Variants in FOXP2 observed in about 807,000 individuals in gnomAD.
The protein encoded by FOXP2 is forkhead box P2.
FOXP2 carries 12 observed loss-of-function variants against 115.8 expected under a neutral mutation model. The observed-to-expected ratio is 0.10, with a 90% CI of 0.07 to 0.17. The LOEUF is 0.17. Among genes scored for constraint, FOXP2 ranks in the 10% least tolerant of loss-of-function variants. The probability of loss-of-function intolerance (pLI) is 1.00; values close to 1 mark genes in which losing one functional copy is unlikely to be tolerated. For missense variants in FOXP2, 629 were observed against 843.5 expected (o/e 0.75, Z 3.15); for synonymous variants, 328 against 297.7 (o/e 1.10, Z -1.05).
chr7:114,551,124 G>GA (rs556484633), intron 3 of FOXP2, among the ~76,000 whole-genome samples: 2 of 152,040 alleles, frequency 1.3e-5, no homozygotes, highest in African/African-American at 4.8e-5. Context: ...TGCTCCAGAG[G>GA]AAAAACCACA....
chr7:114,299,269 G>A (rs1036925255), intron 2 of FOXP2, among the ~76,000 whole-genome samples: 13 of 152,016 alleles, frequency 8.6e-5, no homozygotes, highest in Non-Finnish European at 1.5e-4. Flanking sequence ...AAGATGTATG[G>A]ACACCCTACT....
At chr7:114,592,264 A>G (rs754993008) in intron 3 of FOXP2, among the ~76,000 whole-genome samples, 3 of 152,104 alleles carry the variant, frequency 2.0e-5, no homozygotes, top group Non-Finnish European at 2.9e-5. Context: ...AATAATATTC[A>G]TATGTAGTAT....
intron 2 of FOXP2, among the ~76,000 whole-genome samples, chr7:114,495,209 A>C (rs1019972285): frequency 7.2e-5 from 11 of 152,322 alleles, no homozygotes; most frequent in Admixed American, 5.2e-4. Context: ...TCAGGTCAGC[A>C]TGTGGGTCCA....
intron 1 of FOXP2, among the ~76,000 whole-genome samples, chr7:114,222,073 G>A (rs1224707451): frequency 6.6e-6 from 1 of 152,210 alleles, no homozygotes; most frequent in African/African-American, 2.4e-5. Flanking sequence ...GCCATGTCAG[G>A]TGAGCCTCCC....
intron 2 of FOXP2, among the ~76,000 whole-genome samples, chr7:114,494,726 A>C (rs910230485): frequency 6.6e-6 from 1 of 152,164 alleles, no homozygotes; most frequent in Non-Finnish European, 1.5e-5. Flanking sequence ...TAATTTTAAA[A>C]ATTGAAACCA....
At chr7:114,132,253 CT>C (rs904708357) in intron 1 of FOXP2, among the ~76,000 whole-genome samples, 2 of 152,018 alleles carry the variant, frequency 1.3e-5, no homozygotes, top group African/African-American at 4.8e-5. Context: ...TCTTTTTCTA[CT>C]TTTTTCCCCT....
intron 2 of FOXP2, among the ~76,000 whole-genome samples, chr7:114,516,741 G>A (rs1188499172): frequency 2.0e-5 from 3 of 151,812 alleles, no homozygotes; most frequent in Admixed American, 2.0e-4. Context: ...TGTTGCCAAG[G>A]CTGGAATGCA....
intron 1 of FOXP2, among the ~76,000 whole-genome samples, chr7:114,272,012 T>C (rs1796072032): frequency 7.3e-6 from 1 of 137,190 alleles, no homozygotes; most frequent in Non-Finnish European, 1.5e-5. Context: ...ATATTATAAT[T>C]ATAATATTAA....
intron 1 of FOXP2, among the ~76,000 whole-genome samples, chr7:114,211,276 A>G (rs1227807006): frequency 2.6e-5 from 4 of 152,170 alleles, no homozygotes; most frequent in African/African-American, 4.8e-5. Flanking sequence ...GTCTCTGTGT[A>G]CCTGAGCAGC....
Position 114,420,106 on chromosome 7 carries a change from G to A in FOXP2, c.-11+4746G>A, listed in dbSNP as rs976971536. Among the ~76,000 whole-genome samples the A allele has an allele frequency of 4.6e-5, 7 of 151,994 alleles. No homozygotes were observed. In the South Asian group the frequency reaches 1.0e-3, roughly 22 times the overall value. On this transcript the variant is annotated intron_variant, in intron 1 of 16. Transcript: ENST00000350908. ...GGGATCCCAGGGAGTTGCTGTGGGC[G>A]GGAGACTGAAGATTGAAGTAAAGTA...
In FOXP2 at chr7:114,693,657, A is replaced by G; in HGVS notation, c.*3731A>G. 1 of 430,030 alleles carries G rather than the reference A, an allele frequency of 2.3e-6. No individual in the cohort carries two copies. Among genetic ancestry groups the G allele is most frequent in the Non-Finnish European group, 4.6e-6 (1 of 215,456 alleles). 26.6% of individuals were successfully genotyped at this position (430,030 alleles called of 1,614,324 possible). A position where few individuals can be genotyped will look rare whatever the true frequency, so the allele number is the denominator to read the frequency against. ...GTACATTTTACTATAGAATTAATGT[A>G]TGAACAGTGTGTCACTGCTGTTGGA... On this transcript the variant is annotated 3_prime_UTR_variant, in exon 17 of 17. Transcript: ENST00000350908.
In FOXP2 at chr7:114,238,937, T is replaced by C. The variant is rs1795080985; in HGVS notation, c.-101-49082T>C. ...GTATATTATTATATATTATATATAA[T>C]ACAAACATTTATAAATATAAAAATA... On this transcript the variant is annotated intron_variant, in intron 1 of 17. Coordinates refer to the FOXP2 transcript ENST00000634411. 2.0e-5 allele frequency among the ~76,000 whole-genome samples: 3 copies of C among 148,946 alleles called. No individual in the cohort carries two copies. The South Asian group carries it at 6.3e-4, about 31-fold the overall frequency.
chr7:114,575,777 T>G (rs536079924), intron 3 of FOXP2, among the ~76,000 whole-genome samples: 2 of 152,054 alleles, frequency 1.3e-5, no homozygotes, highest in South Asian at 2.1e-4. Flanking sequence ...CTTCCTATAT[T>G]ATAAACATAT....
chr7:114,555,791 T>A (rs1261746515), intron 3 of FOXP2, among the ~76,000 whole-genome samples: 1 of 151,756 alleles, frequency 6.6e-6, no homozygotes, highest in Non-Finnish European at 1.5e-5. Flanking sequence ...AGCAAGACTG[T>A]CTCAAAAACA....
intron 1 of FOXP2, among the ~76,000 whole-genome samples, chr7:114,177,130 G>A (rs1461507827): frequency 6.6e-6 from 1 of 151,994 alleles, no homozygotes; most frequent in African/African-American, 2.4e-5. Context: ...CCTGTGTTTG[G>A]CTATTAGGAA....
At chr7:114,237,834 G>T (rs1584567664) in intron 1 of FOXP2, among the ~76,000 whole-genome samples, 1 of 151,958 alleles carries the variant, frequency 6.6e-6, no homozygotes, top group South Asian at 2.1e-4. Context: ...AATTACCCAG[G>T]TGTGGTGGTG....
chr7:114,448,595 T>C lies in FOXP2; in HGVS notation c.168+21916T>C, dbSNP rs568711636. 3.3e-5 allele frequency among the ~76,000 whole-genome samples: 5 copies of C among 152,282 alleles called. 1 individual carries two copies. The South Asian group carries it at 1.0e-3, about 32-fold the overall frequency. ...ACCCATAGTGGTGCCGCTAGCCTTT[T>C]CATGTTAATATTTGGTAGTACAGCT... On this transcript the variant is annotated intron_variant, in intron 2 of 16. Transcript: ENST00000350908.
chr7:114,133,194 G>T (rs964293017), intron 1 of FOXP2, among the ~76,000 whole-genome samples: 1 of 152,182 alleles, frequency 6.6e-6, no homozygotes, highest in Non-Finnish European at 1.5e-5. Context: ...GAGGAGGTAA[G>T]GAGGACTTAG....
chr7:114,164,289 CT>C (rs886444808), intron 1 of FOXP2, among the ~76,000 whole-genome samples: 5 of 150,490 alleles, frequency 3.3e-5, no homozygotes, highest in Admixed American at 2.0e-4. Flanking sequence ...CAGTTCAAAA[CT>C]TTTTTTTTGT....
Sources: gnomAD v4.1 joint callset for allele counts (sites outside exome capture counted in the v4.1 genomes callset) on GRCh38, gnomAD v4.1.1 for gene constraint, MANE v1.5 for transcripts, NCBI Gene and HGNC (gene_info 2026-07-23, HGNC 2026-07-21) for gene names.